Variants in PKNOX2 observed in about 807,000 individuals in gnomAD.
PKNOX2 encodes homeobox protein PKNOX2.
Under a neutral mutation model 53.1 loss-of-function variants are expected in PKNOX2, and 14 were observed. The observed-to-expected ratio is 0.26, with a 90% CI of 0.17 to 0.41. PKNOX2 has a LOEUF of 0.41. PKNOX2 is among the 10% of genes least tolerant of loss of function. PKNOX2 has a pLI of 1.00. For synonymous variants in PKNOX2, 257 were observed against 242.8 expected (o/e 1.06, Z -0.54); for missense variants, 496 against 602.8 (o/e 0.82, Z 1.85).
intron 3 of PKNOX2, among the ~76,000 whole-genome samples, chr11:125,336,143 G>A (rs1950422469): frequency 1.3e-5 from 2 of 152,008 alleles, no homozygotes; most frequent in Non-Finnish European, 2.9e-5. Context: ...TTTATTTATT[G>A]TAGTTATTTT....
At chr11:125,206,390 G>A (rs1350540483) in intron 1 of PKNOX2, among the ~76,000 whole-genome samples, 3 of 152,072 alleles carry the variant, frequency 2.0e-5, no homozygotes, top group Non-Finnish European at 4.4e-5. Flanking sequence ...GCACAAATGC[G>A]TGGAGGCATG....
At chr11:125,375,485 T>G (rs547646898) in intron 5 of PKNOX2, among the ~76,000 whole-genome samples, 84 of 151,828 alleles carry the variant, frequency 5.5e-4, no homozygotes, top group Non-Finnish European at 1.0e-3. Flanking sequence ...CGATTTGGAG[T>G]TTGAATACCT....
At chr11:125,344,889 G>A (rs1353769724) in intron 3 of PKNOX2, among the ~76,000 whole-genome samples, 1 of 152,126 alleles carries the variant, frequency 6.6e-6, no homozygotes, top group Non-Finnish European at 1.5e-5. Flanking sequence ...AGGACACAGA[G>A]TGAACAAGGA....
At chr11:125,426,777 G>C (rs892770076) in intron 10 of PKNOX2, among the ~76,000 whole-genome samples, 2 of 152,230 alleles carry the variant, frequency 1.3e-5, no homozygotes, top group Non-Finnish European at 2.9e-5. Flanking sequence ...ATGAGATGGG[G>C]TCCCTGCCTG....
chr11:125,275,370 G>A (rs529221613), intron 2 of PKNOX2, among the ~76,000 whole-genome samples: 13 of 152,282 alleles, frequency 8.5e-5, no homozygotes, highest in South Asian at 6.2e-4. Context: ...TAGACAAGAC[G>A]GAGGATGAAG....
At chr11:125,339,095 A>C (rs1950557842) in intron 3 of PKNOX2, among the ~76,000 whole-genome samples, 1 of 152,220 alleles carries the variant, frequency 6.6e-6, no homozygotes, top group Admixed American at 6.5e-5. Flanking sequence ...TAGGAGCCAG[A>C]AAACCATAGC....
intron 2 of PKNOX2, among the ~76,000 whole-genome samples, chr11:125,300,844 C>T (rs555941891): frequency 6.6e-6 from 1 of 152,266 alleles, no homozygotes; most frequent in Non-Finnish European, 1.5e-5. Flanking sequence ...TACTTGGAGC[C>T]AGAACACACT....
intron 5 of PKNOX2, among the ~76,000 whole-genome samples, chr11:125,375,090 A>T (rs1303171643): frequency 6.6e-6 from 1 of 152,146 alleles, no homozygotes; most frequent in Admixed American, 6.5e-5. Context: ...GATCCATTTC[A>T]TGGTTGAGTG....
chr11:125,249,913 A>T (rs1388684442), intron 2 of PKNOX2, among the ~76,000 whole-genome samples: 1 of 152,072 alleles, frequency 6.6e-6, no homozygotes, highest in East Asian at 1.9e-4. Flanking sequence ...TCTACTAAAA[A>T]TATTAGCCAG....
chr11:125,392,894 C>T (rs187143036), intron 6 of PKNOX2, among the ~76,000 whole-genome samples: 1 of 152,134 alleles, frequency 6.6e-6, no homozygotes, highest in East Asian at 1.9e-4. Flanking sequence ...CGCGGTGGCT[C>T]ACGCCTGTAA....
At chr11:125,208,899 G>C (rs1939481293) in intron 1 of PKNOX2, among the ~76,000 whole-genome samples, 1 of 152,000 alleles carries the variant, frequency 6.6e-6, no homozygotes, top group Admixed American at 6.6e-5. Context: ...GCCACTTCTT[G>C]GGTGGATGGG....
chr11:125,406,354 T>C (rs571237850), intron 7 of PKNOX2, among the ~76,000 whole-genome samples: 48 of 152,258 alleles, frequency 3.2e-4, no homozygotes, highest in Middle Eastern at 3.4e-3. Context: ...GACTCGACCA[T>C]TGCCCAGGAA....
chr11:125,379,946 A>G (rs1019840510), intron 5 of PKNOX2, among the ~76,000 whole-genome samples: 17 of 138,148 alleles, frequency 1.2e-4, no homozygotes, highest in Admixed American at 3.1e-4. Context: ...CAAGAACTGC[A>G]TATCTTAAGT....
intron 2 of PKNOX2, among the ~76,000 whole-genome samples, chr11:125,283,786 A>C (rs2135865599): frequency 6.6e-6 from 1 of 152,298 alleles, no homozygotes; most frequent in Non-Finnish European, 1.5e-5. Context: ...GTGGGGAAGA[A>C]GGGAATCATG....
rs1381807699 is a variant in PKNOX2, at chr11:125,403,850, A to G, written c.588+5788A>G. 2.6e-5 allele frequency among the ~76,000 whole-genome samples: 4 copies of G among 152,306 alleles called. No homozygotes were observed. In the East Asian group the frequency reaches 7.7e-4, roughly 29 times the overall value. On this transcript the variant is annotated intron_variant, in intron 7 of 12. Transcript: ENST00000298282. ...TAGGGAAATGAGAGGTACAAAGTTG[A>G]GGACATTCTGAGATGCTAGGCCCAG...
At chr11:125,170,462 C>T (rs1295653087) in intron 1 of PKNOX2, among the ~76,000 whole-genome samples, 3 of 152,168 alleles carry the variant, frequency 2.0e-5, no homozygotes, top group Admixed American at 6.5e-5. Context: ...AGTCTTTCTA[C>T]CTGAACTCCA....
At chr11:125,312,811 G>T (rs1948901074) in intron 2 of PKNOX2, among the ~76,000 whole-genome samples, 1 of 152,182 alleles carries the variant, frequency 6.6e-6, no homozygotes, top group African/African-American at 2.4e-5. Context: ...CCGCCAGAGG[G>T]GCCAGGATGA....
At position 125,206,577 on chromosome 11, in the gene PKNOX2, C is replaced by T. The variant is rs183490147; in HGVS notation, c.-200-28468C>T. Among the ~76,000 whole-genome samples the T allele has an allele frequency of 4.7e-4, 71 of 152,176 alleles. 1 individual carries two copies. The highest frequency in any genetic ancestry group is 5.9e-5 in the Non-Finnish European group (4 of 67,988). ...CCCCTGAAGAGGCAGCATGAAATAG[C>T]GGCTGAGAAGCAGCCAGGTGCCCTG... On this transcript the variant is annotated intron_variant, in intron 1 of 12. Coordinates refer to ENST00000298282, the MANE Select transcript of PKNOX2 (RefSeq NM_001382323.2).
At chr11:125,180,432 G>T (rs1055512713) in intron 1 of PKNOX2, among the ~76,000 whole-genome samples, 2 of 152,224 alleles carry the variant, frequency 1.3e-5, no homozygotes, top group Non-Finnish European at 2.9e-5. Flanking sequence ...GATGTGTCAG[G>T]TTCATTCAAA....
Sources: allele counts gnomAD v4.1 joint callset (sites outside exome capture counted in the v4.1 genomes callset), GRCh38; gene constraint gnomAD v4.1.1; transcripts MANE v1.5; gene names NCBI Gene and HGNC (gene_info 2026-07-23, HGNC 2026-07-21).